The following PCDH15 variants were observed in gnomAD, a reference collection of about 807,000 sequenced individuals.
PCDH15 encodes protocadherin-15.
A neutral mutation model predicts 178.5 loss-of-function variants in PCDH15; 129 were observed. That is an observed-to-expected ratio of 0.72 (90% CI 0.63 to 0.84). The LOEUF (loss-of-function observed/expected upper bound fraction) is 0.84, where lower values mean the gene tolerates loss of function less well. Ranked by LOEUF, PCDH15 falls within the 40% of genes least tolerant of loss-of-function variation. The probability of loss-of-function intolerance (pLI) is 0.00; values close to 1 mark genes in which losing one functional copy is unlikely to be tolerated. For synonymous variants in PCDH15, 800 were observed against 732.0 expected, an observed-to-expected ratio of 1.09 and a Z score of -1.50; for missense variants, 2,230 against 2,099.9, an observed-to-expected ratio of 1.06 and a Z score of -1.21.
intron 2 of PCDH15, among the ~76,000 whole-genome samples, chr10:55,454,621 CA>C (rs35852490): frequency 2.6e-4 from 36 of 137,554 alleles, no homozygotes; most frequent in Non-Finnish European, 3.4e-4. Context: ...ACTAAAAATG[CA>C]AAAAAAAAAA....
At chr10:54,517,125 A>G (rs1216229770) in intron 3 of PCDH15, among the ~76,000 whole-genome samples, 1 of 152,204 alleles carries the variant, frequency 6.6e-6, no homozygotes, top group African/African-American at 2.4e-5. Flanking sequence ...TGTAAAGACG[A>G]TCAAGGCTAG....
chr10:54,878,503 G>T (rs1434809266), intron 3 of PCDH15, among the ~76,000 whole-genome samples: 1 of 151,906 alleles, frequency 6.6e-6, no homozygotes, highest in Non-Finnish European at 1.5e-5. Flanking sequence ...CCATTGTTTC[G>T]ACTTTGAGGA....
chr10:54,176,288 A>G lies in PCDH15; in HGVS notation c.1590+7156T>C, dbSNP rs185695669. ...TCAGTAGGGGAGACAGACACGTAAA[A>G]GTTAGCCTTAACGCAAGCCACAATA... is the stretch of plus-strand genomic sequence containing the variant. On this transcript the variant is annotated intron_variant, in intron 13 of 37. Transcript: ENST00000644397. Among the ~76,000 whole-genome samples the G allele has an allele frequency of 5.9e-5, 9 of 152,306 alleles. No individual in the cohort carries two copies. In the East Asian group the frequency reaches 1.7e-3, roughly 29 times the overall value.
chr10:54,330,076 ACTGAAAT>A (rs1939125850), intron 6 of PCDH15, among the ~76,000 whole-genome samples: 1 of 151,896 alleles, frequency 6.6e-6, no homozygotes, highest in Admixed American at 6.6e-5. Flanking sequence ...GCATTCAAAC[ACTGAAAT>A]CTGTTATTTC....
chr10:55,415,628 A>C (rs1838461717), intron 2 of PCDH15, among the ~76,000 whole-genome samples: 1 of 151,712 alleles, frequency 6.6e-6, no homozygotes, highest in Non-Finnish European at 1.5e-5. Context: ...GATCATATTA[A>C]GGGTTTGGAT....
chr10:55,109,104 C>G (rs1174786046), intron 2 of PCDH15, among the ~76,000 whole-genome samples: 1 of 152,154 alleles, frequency 6.6e-6, no homozygotes, highest in Non-Finnish European at 1.5e-5. Flanking sequence ...AGAACACTCA[C>G]CCAACTTTAT....
intron 2 of PCDH15, among the ~76,000 whole-genome samples, chr10:55,066,456 G>T (rs1284660496): frequency 1.3e-5 from 2 of 150,284 alleles, no homozygotes; most frequent in African/African-American, 4.9e-5. Context: ...AGTGTTCTCT[G>T]TATCACATTT....
chr10:55,419,306 G>A (rs1838561216), intron 2 of PCDH15, among the ~76,000 whole-genome samples: 1 of 151,718 alleles, frequency 6.6e-6, no homozygotes, highest in South Asian at 2.1e-4. Flanking sequence ...CTTAGTTGTA[G>A]ATTGCACGGA....
chr10:54,081,165 A>G (rs1431559773), intron 16 of PCDH15, among the ~76,000 whole-genome samples: 1 of 152,130 alleles, frequency 6.6e-6, no homozygotes, highest in Non-Finnish European at 1.5e-5. Flanking sequence ...CGCTTAATTC[A>G]TTCCAGGAAG....
intron 2 of PCDH15, among the ~76,000 whole-genome samples, chr10:54,625,503 A>C (rs960361611): frequency 6.6e-6 from 1 of 152,032 alleles, no homozygotes; most frequent in African/African-American, 2.4e-5. Context: ...TGCTGTTCTC[A>C]TGATGGTGAA....
intron 2 of PCDH15, among the ~76,000 whole-genome samples, chr10:55,336,143 A>C (rs1290023670): frequency 2.0e-5 from 3 of 149,854 alleles, no homozygotes; most frequent in African/African-American, 4.9e-5. Context: ...AAAAAAAAAA[A>C]AAAAAAAAAA....
chr10:54,903,235 C>T (rs1954666938), intron 2 of PCDH15, among the ~76,000 whole-genome samples: 1 of 151,536 alleles, frequency 6.6e-6, no homozygotes, highest in African/African-American at 2.4e-5. Context: ...TGGGAAGTGG[C>T]TACATCACTA....
intron 13 of PCDH15, among the ~76,000 whole-genome samples, chr10:54,171,753 T>C (rs1018436970): frequency 2.0e-5 from 3 of 152,044 alleles, no homozygotes; most frequent in African/African-American, 7.3e-5. Context: ...TTATACCTGT[T>C]TTTCTCCTTC....
chr10:55,023,908 T>C (rs1840404365), intron 2 of PCDH15, among the ~76,000 whole-genome samples: 1 of 150,080 alleles, frequency 6.7e-6, no homozygotes. Flanking sequence ...TATGTGAGTG[T>C]GTGTCTGTAT....
At chr10:53,876,972 T>C (rs764087837) in intron 26 of PCDH15, among the ~76,000 whole-genome samples, 29 of 151,962 alleles carry the variant, frequency 1.9e-4, no homozygotes, top group Non-Finnish European at 2.9e-4. Flanking sequence ...TTAATTTAAA[T>C]CATGGTGCAA....
intron 2 of PCDH15, among the ~76,000 whole-genome samples, chr10:54,972,005 A>G (rs533575283): frequency 7.2e-5 from 11 of 152,336 alleles, no homozygotes; most frequent in Non-Finnish European, 2.9e-5. Flanking sequence ...TACGGATACA[A>G]ACACAATCAA....
rs144285135 is a variant in PCDH15, at chr10:54,446,003, T to C, written c.158-67061A>G. On this transcript the variant is annotated intron_variant, in intron 3 of 37. Transcript: ENST00000644397. ...GTATATGCTCTGATGATCAGGTCTC[T>C]CATTTTTTTTAAGTTCTTGTCCCCT... 1.7e-4 allele frequency among the ~76,000 whole-genome samples: 26 copies of C among 151,294 alleles called. No homozygotes were observed. The East Asian group carries it at 4.9e-3, about 28-fold the overall frequency.
intron 1 of PCDH15, among the ~76,000 whole-genome samples, chr10:54,772,893 A>C (rs766613394): frequency 1.3e-5 from 2 of 152,238 alleles, no homozygotes; most frequent in Non-Finnish European, 2.9e-5. Context: ...AGACTGGAGA[A>C]GGAAAATGTG....
At position 53,857,174 on chromosome 10, in the gene PCDH15, C is replaced by T; in HGVS notation, c.3806+1G>A. On this transcript the variant is annotated splice_donor_variant, in intron 28 of 37. Transcript: ENST00000644397. LOFTEE classifies it high-confidence loss of function. Reference sequence around the variant, plus strand: ...ATATATAAGGAGACAAAATCAATTACTCTGTAAGATCTTCTATCTTTTTTT... The same window carrying T: ...ATATATAAGGAGACAAAATCAATTATTCTGTAAGATCTTCTATCTTTTTTT... The T allele has an allele frequency of 6.3e-7, 1 of 1,577,262 alleles. No homozygotes were observed. Among genetic ancestry groups the T allele is most frequent in the Non-Finnish European group, 8.7e-7 (1 of 1,147,618 alleles).
Sources: allele counts gnomAD v4.1 joint callset (sites outside exome capture counted in the v4.1 genomes callset), GRCh38; gene constraint gnomAD v4.1.1; transcripts MANE v1.5; gene names NCBI Gene and HGNC (gene_info 2026-07-23, HGNC 2026-07-21).